Variants in RPP30 observed in about 807,000 individuals in gnomAD.
RPP30 encodes the protein ribonuclease P protein subunit p30.
A neutral mutation model predicts 38.6 loss-of-function variants in RPP30; 36 were observed. That is an observed-to-expected ratio of 0.93 (90% CI 0.71 to 1.23). The LOEUF (loss-of-function observed/expected upper bound fraction) is 1.23. Ranked by LOEUF, RPP30 falls within the 50% of genes most tolerant of loss-of-function variation. The probability of loss-of-function intolerance (pLI) is 0.00; values close to 1 mark genes in which losing one functional copy is unlikely to be tolerated. For synonymous variants in RPP30, 126 were observed against 112.7 expected, an observed-to-expected ratio of 1.12 and a Z score of -0.75; for missense variants, 321 against 321.7, an observed-to-expected ratio of 1.00 and a Z score of 0.02.
chr10:90,900,749 A>C lies in RPP30; in HGVS notation c.*70A>C. ...TAGTTCATCAGCCACAACAAAAATA[A>C]AACCTTTGTGTGATTTACTGTTTTC... On this transcript the variant is annotated 3_prime_UTR_variant, in exon 11 of 11. Transcript: ENST00000371703. 1 of 1,537,866 alleles carries C rather than the reference A, an allele frequency of 6.5e-7. No homozygotes were observed.
At chr10:90,881,879 G>C (rs7096568) in intron 5 of RPP30, among the ~76,000 whole-genome samples, 39,584 of 151,878 alleles carry the variant, frequency 0.26, 5,899 homozygotes, top group African/African-American at 0.42. Flanking sequence ...TACACACACA[G>C]ACAGACACAT....
intron 5 of RPP30, among the ~76,000 whole-genome samples, chr10:90,881,587 A>G (rs1846928510): frequency 6.6e-6 from 1 of 152,206 alleles, no homozygotes; most frequent in South Asian, 2.1e-4. Flanking sequence ...CCTCTTCTCT[A>G]TCCAAATATT....
chr10:90,893,368 A>G (rs367634538), intron 6 of RPP30, among the ~76,000 whole-genome samples: 50 of 152,288 alleles, frequency 3.3e-4, no homozygotes, highest in African/African-American at 1.2e-3. Flanking sequence ...TACTCTGGGC[A>G]ATCGAAACTC....
chr10:90,873,636 A>G (rs1846812294), intron 1 of RPP30, among the ~76,000 whole-genome samples: 1 of 152,210 alleles, frequency 6.6e-6, no homozygotes, highest in African/African-American at 2.4e-5. Flanking sequence ...CCTAGTTGAC[A>G]TTTCTGTAGA....
rs574722975 is a variant in RPP30 at position 90,892,104 on chromosome 10, A to G, written c.433-2671A>G. Among the ~76,000 whole-genome samples the G allele has an allele frequency of 3.3e-5, 5 of 152,348 alleles. No individual in the cohort carries two copies. The East Asian group carries it at 9.6e-4, about 29-fold the overall frequency. On this transcript the variant is annotated intron_variant, in intron 6 of 10. Coordinates refer to ENST00000371703, the MANE Select transcript of RPP30 (RefSeq NM_006413.5). ...CTGTCACACACCTGTCCTTAGTAGCATCTTTATGACCATTATTTTTCATTA... is the reference window on the plus strand; with the variant it reads ...CTGTCACACACCTGTCCTTAGTAGCGTCTTTATGACCATTATTTTTCATTA...
At chr10:90,872,667 C>T (rs61857742) in intron 1 of RPP30, among the ~76,000 whole-genome samples, 1 of 152,066 alleles carries the variant, frequency 6.6e-6, no homozygotes, top group Admixed American at 6.5e-5. Flanking sequence ...GTCATGGGTT[C>T]TGTATTCCGT....
intron 1 of RPP30, among the ~76,000 whole-genome samples, chr10:90,873,988 A>C (rs2120178619): frequency 6.6e-6 from 1 of 152,300 alleles, no homozygotes; most frequent in South Asian, 2.1e-4. Flanking sequence ...CTAGGCTGTA[A>C]ATTTCTTGTG....
intron 7 of RPP30, 37 bp downstream of exon 7, chr10:90,894,928 G>T: frequency 7.2e-7 from 1 of 1,384,130 alleles, no homozygotes; most frequent in South Asian, 1.2e-5. Context: ...TTTCGCATCT[G>T]GCAGTTTATT....
At chr10:90,874,843 A>G (rs766158154) in intron 1 of RPP30, 26 bp from the exon 2 acceptor site, 93 of 1,561,902 alleles carry the variant, frequency 6.0e-5, no homozygotes, top group Non-Finnish European at 7.7e-5. Context: ...TATATTTAAC[A>G]AAAGTGTTCA....
At chr10:90,881,978 G>A (rs1846934998) in intron 5 of RPP30, among the ~76,000 whole-genome samples, 1 of 152,128 alleles carries the variant, frequency 6.6e-6, no homozygotes, top group Non-Finnish European at 1.5e-5. Context: ...TCTACTCAGA[G>A]TATCCGGAAG....
At chr10:90,905,337 G>A (rs1447392972), downstream of RPP30, 1 of 152,176 alleles carries the variant, frequency 6.6e-6, no homozygotes, top group Admixed American at 6.5e-5. Context: ...CACTTTACCT[G>A]AAGATACCTG....
chr10:90,882,931 G>A (rs1180111791), intron 5 of RPP30, among the ~76,000 whole-genome samples: 1 of 152,172 alleles, frequency 6.6e-6, no homozygotes, highest in African/African-American at 2.4e-5. Context: ...CTTGCAGTAT[G>A]GTCTGGCTCC....
intron 10 of RPP30, among the ~76,000 whole-genome samples, chr10:90,897,099 C>T (rs1847148603): frequency 6.6e-6 from 1 of 152,134 alleles, no homozygotes; most frequent in African/African-American, 2.4e-5. Context: ...TACCTTTTCA[C>T]TGACTGAGTT....
chr10:90,896,204 AT>A (rs1344338363), intron 9 of RPP30, 108 bp from the exon 10 acceptor site: 1 of 916,624 alleles, frequency 1.1e-6, no homozygotes, highest in African/African-American at 1.6e-5. Context: ...CTGCTGTTGA[AT>A]TAATTAGCCT....
chr10:90,894,603 T>G (rs1328163771), intron 6 of RPP30, among the ~76,000 whole-genome samples, 172 bp from the exon 7 acceptor site: 1 of 152,208 alleles, frequency 6.6e-6, no homozygotes, highest in Admixed American at 6.5e-5. Flanking sequence ...ATTTATTTTC[T>G]TCTCCTTGTG....
intron 10 of RPP30, among the ~76,000 whole-genome samples, chr10:90,897,175 A>G (rs1589501982): frequency 6.6e-6 from 1 of 152,370 alleles, no homozygotes; most frequent in Non-Finnish European, 1.5e-5. Flanking sequence ...GTGAAATTTT[A>G]TTAAAACAAT....
intron 6 of RPP30, among the ~76,000 whole-genome samples, chr10:90,887,140 TTA>T (rs1847012334): frequency 6.6e-6 from 1 of 150,838 alleles, no homozygotes; most frequent in Non-Finnish European, 1.5e-5. Context: ...GCTAATTTTT[TTA>T]TGTTTTGTAA....
intron 7 of RPP30, 164 bp downstream of exon 7, chr10:90,895,055 A>C: frequency 1.4e-6 from 1 of 708,878 alleles, no homozygotes; most frequent in Non-Finnish European, 2.6e-6. Context: ...AGGGAAAGAA[A>C]AATACCAAGG....
At chr10:90,887,538 A>G (rs1847018308) in intron 6 of RPP30, among the ~76,000 whole-genome samples, 1 of 151,820 alleles carries the variant, frequency 6.6e-6, no homozygotes, top group Non-Finnish European at 1.5e-5. Context: ...GCACACCACC[A>G]TGTCCGGCTA....
Sources: allele counts gnomAD v4.1 joint callset (sites outside exome capture counted in the v4.1 genomes callset), GRCh38; gene constraint gnomAD v4.1.1; transcripts MANE v1.5; gene names NCBI Gene and HGNC (gene_info 2026-07-23, HGNC 2026-07-21).